Variants in DDX19A observed in about 807,000 individuals in gnomAD.
DDX19A encodes ATP-dependent RNA helicase DDX19A.
In DDX19A, 12 loss-of-function variants were observed where a neutral mutation model predicts 60.6. The ratio of observed to expected loss-of-function variants is 0.20; its 90% confidence interval spans 0.13 to 0.32. The LOEUF is 0.32. Ranked by LOEUF, DDX19A falls within the 10% of genes least tolerant of loss-of-function variation. DDX19A has a pLI of 1.00. For synonymous variants in DDX19A, 206 were observed against 218.2 expected (o/e 0.94, Z 0.49); for missense variants, 337 against 600.6 (o/e 0.56, Z 4.59).
At chr16:70,360,001 C>T (rs1964320739) in intron 4 of DDX19A, among the ~76,000 whole-genome samples, 1 of 151,946 alleles carries the variant, frequency 6.6e-6, no homozygotes, top group South Asian at 2.1e-4. Context: ...TTTTTTATGG[C>T]CGGGCGCTAC....
chr16:70,350,380 G>GAA (rs1963974642), intron 1 of DDX19A, among the ~76,000 whole-genome samples, 177 bp from the exon 2 acceptor site: 1 of 152,118 alleles, frequency 6.6e-6, no homozygotes, highest in Non-Finnish European at 1.5e-5. Context: ...GAAGATATTT[G>GAA]AAATGATGGT....
intron 11 of DDX19A, 92 bp from the exon 12 acceptor site, chr16:70,371,833 C>T: frequency 1.9e-6 from 3 of 1,598,212 alleles, no homozygotes; most frequent in Non-Finnish European, 2.6e-6. Context: ...TGCTTAGGCA[C>T]CCGGAGCCTT....
At chr16:70,355,644 G>A in intron 3 of DDX19A, 109 bp downstream of exon 3, 2 of 885,280 alleles carry the variant, frequency 2.3e-6, no homozygotes, top group Non-Finnish European at 1.9e-6. Flanking sequence ...AGGAATCAGA[G>A]AAGGAATAGT....
At chr16:70,352,582 C>T in intron 2 of DDX19A, among the ~76,000 whole-genome samples, 1 of 147,842 alleles carries the variant, frequency 6.8e-6, no homozygotes, top group Middle Eastern at 3.9e-3. Context: ...TGTGCCTGGC[C>T]CTTCCTTGTG....
rs771664207 is a variant in DDX19A, at chr16:70,366,868, A to T, written c.1020+7A>T. The T allele has an allele frequency of 3.7e-6, 6 of 1,613,924 alleles. No individual in the cohort carries two copies. The Admixed American group carries it at 8.3e-5, about 22-fold the overall frequency. On this transcript the variant is annotated splice_region_variant and intron_variant, in intron 9 of 11. Coordinates refer to ENST00000302243, the MANE Select transcript of DDX19A (RefSeq NM_018332.5). ...AGCCATGATCTTCTGCCATGTGAGT[A>T]GCAGCGGCAGTGGCAGGCCTGGCCC...
chr16:70,348,604 G>A (rs1963919072), intron 1 of DDX19A, among the ~76,000 whole-genome samples: 1 of 143,174 alleles, frequency 7.0e-6, no homozygotes, highest in African/African-American at 2.6e-5. Context: ...TCCAGCCTGG[G>A]CTACTGAGTG....
chr16:70,360,090 G>T (rs574299899), intron 4 of DDX19A, among the ~76,000 whole-genome samples: 16 of 151,926 alleles, frequency 1.1e-4, no homozygotes, highest in Non-Finnish European at 2.2e-4. Flanking sequence ...AGACCAGCCT[G>T]GCCAACATGG....
intron 7 of DDX19A, 55 bp from the exon 8 acceptor site, chr16:70,366,030 T>G: frequency 1.2e-6 from 2 of 1,613,622 alleles, no homozygotes; most frequent in South Asian, 1.1e-5. Context: ...GGCTTTGATT[T>G]CCAGAGCTGG....
intron 2 of DDX19A, among the ~76,000 whole-genome samples, chr16:70,351,625 C>T (rs1055179223): frequency 4.6e-5 from 7 of 151,706 alleles, no homozygotes; most frequent in South Asian, 2.1e-4. Flanking sequence ...CCCAGGTTCA[C>T]GCCATTCTTG....
At chr16:70,357,393 T>G (rs1338215575) in intron 4 of DDX19A, among the ~76,000 whole-genome samples, 8 of 86,024 alleles carry the variant, frequency 9.3e-5, no homozygotes, top group African/African-American at 3.2e-4. Context: ...TTTTTTTTTT[T>G]TTTTTTTTTG....
chr16:70,352,634 ATTTT>A (rs11294947), intron 2 of DDX19A, among the ~76,000 whole-genome samples: 3 of 86,166 alleles, frequency 3.5e-5, no homozygotes, highest in Non-Finnish European at 4.3e-5. Context: ...ATCTACCACG[ATTTT>A]TTTTTTTTTT....
rs201039099 is a variant in DDX19A at position 70,371,466 on chromosome 16, C to T, written c.1278C>T (p.Ile426=). 2.0e-5 allele frequency: 32 copies of T among 1,609,356 alleles called. No individual in the cohort carries two copies. Among genetic ancestry groups the T allele is most frequent in the Non-Finnish European group, 2.5e-5 (30 of 1,177,092 alleles). The change falls in exon 11 of 12, where the codon ATC becomes ATT. Residue 426 remains isoleucine, a synonymous_variant. Coordinates refer to ENST00000302243, the MANE Select transcript of DDX19A (RefSeq NM_018332.5). The part of the protein sequence containing the change: ...NPDNETYLHR[I]GRTGRFGKRG... ...ACAATGAGACCTACCTGCACCGGAT[C>T]GGGCGCACGGGCCGCTTTGGCAAGA...
chr16:70,365,962 C>G (rs770883657), intron 7 of DDX19A, 123 bp from the exon 8 acceptor site: 37 of 1,437,116 alleles, frequency 2.6e-5, no homozygotes, highest in Non-Finnish European at 3.5e-5. Context: ...GGGGAACACT[C>G]ATGTGTGTTT....
chr16:70,361,033 G>A (rs1184337512), intron 4 of DDX19A: 1 of 231,932 alleles, frequency 4.3e-6, no homozygotes, highest in Non-Finnish European at 8.4e-6. Context: ...ATGAGTCACT[G>A]TACCTGACCT....
intron 2 of DDX19A, 66 bp downstream of exon 2, chr16:70,350,671 T>C: frequency 1.7e-6 from 2 of 1,192,368 alleles, no homozygotes; most frequent in Non-Finnish European, 2.5e-6. Flanking sequence ...CACTCATAGC[T>C]GCATTGTACA....
chr16:70,349,335 C>A (rs4985525), intron 1 of DDX19A, among the ~76,000 whole-genome samples: 44,464 of 152,070 alleles, frequency 0.29, 8,036 homozygotes, highest in Non-Finnish European at 0.39. Context: ...TATAGTCACC[C>A]TGTGCCTAGC....
In DDX19A at chr16:70,356,900, T is replaced by C; in HGVS notation, c.293+653T>C. 2.4e-6 allele frequency: 3 copies of C among 1,272,476 alleles called. No individual in the cohort carries two copies. In the South Asian group the frequency reaches 3.8e-5, roughly 16 times the overall value. 78.8% of individuals were successfully genotyped at this position (1,272,476 alleles called of 1,614,324 possible). A position where few individuals can be genotyped will look rare whatever the true frequency, so the allele number is the denominator to read the frequency against. Reference sequence around the variant, plus strand: ...GATTTCTGGATGTCAGGAACATTTCTGATTAGGTAAGCCCTTAAGTGAGAA... The same window carrying C: ...GATTTCTGGATGTCAGGAACATTTCCGATTAGGTAAGCCCTTAAGTGAGAA... On this transcript the variant is annotated intron_variant, in intron 4 of 11. Transcript: ENST00000302243.
chr16:70,365,332 T>TA (rs536851920), intron 7 of DDX19A: 4,864 of 362,034 alleles, frequency 0.013, 1 homozygote, highest in South Asian at 0.019. Context: ...TTCGGTTGAT[T>TA]AAAAAAAAAA....
At chr16:70,353,760 G>T (rs143676913) in intron 2 of DDX19A, among the ~76,000 whole-genome samples, 1 of 152,050 alleles carries the variant, frequency 6.6e-6, no homozygotes, top group African/African-American at 2.4e-5. Flanking sequence ...AATTGCCCGG[G>T]CATGGTGGTG....
Sources: allele counts gnomAD v4.1 joint callset (sites outside exome capture counted in the v4.1 genomes callset), GRCh38; gene constraint gnomAD v4.1.1; transcripts MANE v1.5; gene names NCBI Gene and HGNC (gene_info 2026-07-23, HGNC 2026-07-21).